Variants in MCC observed in about 807,000 individuals in gnomAD.
MCC encodes the protein MCC regulator of Wnt signaling pathway, also known as colorectal mutant cancer protein.
A neutral mutation model predicts 116.2 loss-of-function variants in MCC; 90 were observed. That is an observed-to-expected ratio of 0.77 (90% CI 0.65 to 0.92). The LOEUF is 0.92. MCC is among the 40% of genes least tolerant of loss of function. The pLI, the probability that MCC is intolerant of heterozygous loss-of-function variation, is 0.00. For synonymous variants in MCC, 578 were observed against 510.5 expected (o/e 1.13, Z -1.78); for missense variants, 1,516 against 1,312.2 (o/e 1.16, Z -2.40).
At chr5:113,445,272 G>A (rs1239357195) in intron 1 of MCC, among the ~76,000 whole-genome samples, 3 of 152,032 alleles carry the variant, frequency 2.0e-5, no homozygotes, top group African/African-American at 7.2e-5. Flanking sequence ...TAAGTAAAAG[G>A]AATCCAGATA....
chr5:113,202,784 A>AC (rs1209492457), intron 3 of MCC, among the ~76,000 whole-genome samples: 1 of 34,190 alleles, frequency 2.9e-5, no homozygotes, highest in Non-Finnish European at 9.8e-5. Flanking sequence ...TTTGCCCTTT[A>AC]TTTAAAAAAA....
At chr5:113,362,601 G>A (rs1349560999) in intron 2 of MCC, among the ~76,000 whole-genome samples, 3 of 151,668 alleles carry the variant, frequency 2.0e-5, no homozygotes, top group African/African-American at 2.4e-5. Context: ...ATTGTGGATT[G>A]GTGTATTTTT....
chr5:113,274,167 T>C (rs1186874903), intron 3 of MCC, among the ~76,000 whole-genome samples: 1 of 152,232 alleles, frequency 6.6e-6, no homozygotes, highest in East Asian at 1.9e-4. Context: ...CTTCCTGTGA[T>C]AGCTTCAATG....
intron 6 of MCC, among the ~76,000 whole-genome samples, chr5:113,108,032 C>T (rs1581076698): frequency 6.6e-6 from 1 of 152,216 alleles, no homozygotes; most frequent in East Asian, 1.9e-4. Context: ...TCTCTGCTGC[C>T]CACCACTACT....
At chr5:113,465,102 T>C (rs999440862) in intron 1 of MCC, among the ~76,000 whole-genome samples, 3 of 151,994 alleles carry the variant, frequency 2.0e-5, no homozygotes, top group African/African-American at 7.2e-5. Context: ...AAGATTTTTT[T>C]TTTTGTGGGG....
chr5:113,354,125 C>G (rs1028284888), intron 2 of MCC, among the ~76,000 whole-genome samples: 6 of 152,160 alleles, frequency 3.9e-5, no homozygotes, highest in African/African-American at 1.4e-4. Context: ...CAAGGGTCAG[C>G]AAGGCCTCTG....
intron 8 of MCC, among the ~76,000 whole-genome samples, chr5:113,098,966 G>A (rs911726746): frequency 5.9e-5 from 9 of 152,138 alleles, no homozygotes; most frequent in Non-Finnish European, 7.4e-5. Flanking sequence ...GCTACACATC[G>A]TCAAGAACAG....
intron 3 of MCC, among the ~76,000 whole-genome samples, chr5:113,178,580 C>T (rs1761455605): frequency 6.6e-6 from 1 of 152,158 alleles, no homozygotes; most frequent in East Asian, 1.9e-4. Context: ...AAGTCTGGCC[C>T]TTGCAGAGAT....
intron 1 of MCC, among the ~76,000 whole-genome samples, chr5:113,485,162 G>C (rs1193127933): frequency 6.6e-6 from 1 of 152,098 alleles, no homozygotes; most frequent in Non-Finnish European, 1.5e-5. Flanking sequence ...AAAGCACAAA[G>C]CACCACCCCT....
intron 2 of MCC, among the ~76,000 whole-genome samples, chr5:113,377,670 A>T (rs1274219367): frequency 6.6e-6 from 1 of 152,220 alleles, no homozygotes; most frequent in African/African-American, 2.4e-5. Flanking sequence ...AAGGACAGGA[A>T]GGACAATGAT....
chr5:113,066,050 A>G (rs1419876744), intron 13 of MCC, among the ~76,000 whole-genome samples: 1 of 152,258 alleles, frequency 6.6e-6, no homozygotes, highest in Non-Finnish European at 1.5e-5. Flanking sequence ...GCTATTTGGA[A>G]TTAGGCATGA....
At chr5:113,076,039 G>A (rs535697337) in intron 11 of MCC, among the ~76,000 whole-genome samples, 1 of 152,144 alleles carries the variant, frequency 6.6e-6, no homozygotes, top group African/African-American at 2.4e-5. Context: ...CTGAACATCA[G>A]AAGGAACAAA....
At chr5:113,254,565 C>T (rs994695356) in intron 3 of MCC, among the ~76,000 whole-genome samples, 4 of 152,176 alleles carry the variant, frequency 2.6e-5, no homozygotes, top group Admixed American at 2.0e-4. Context: ...AAGAACATCA[C>T]AGCCCATACG....
chr5:113,062,466 A>G (rs997437931), intron 14 of MCC, among the ~76,000 whole-genome samples: 1 of 152,258 alleles, frequency 6.6e-6, no homozygotes, highest in Admixed American at 6.5e-5. Flanking sequence ...AATGATCCGT[A>G]GCACAAACCT....
chr5:113,164,886 G>A (rs1044828421), intron 3 of MCC, among the ~76,000 whole-genome samples: 1 of 152,194 alleles, frequency 6.6e-6, no homozygotes, highest in African/African-American at 2.4e-5. Context: ...GTTTCAGTGG[G>A]ATCCCCATGC....
rs1017439455 is a variant in MCC at position 113,082,949 on chromosome 5, T to A, written c.1695A>T (p.Gln565His). 12 of 1,614,076 alleles carry A rather than the reference T, an allele frequency of 7.4e-6. No individual in the cohort carries two copies. Among genetic ancestry groups the A allele is most frequent in the Non-Finnish European group, 8.5e-6 (10 of 1,180,028 alleles). Residue 565 changes from glutamine to histidine, a missense_variant, in exon 11 of 19, where the codon CAA becomes CAT. Transcript: ENST00000408903. Reference protein sequence around the residue: ...AHSLQDCSNIQEIFQTLYSHG... With the variant: ...AHSLQDCSNIHEIFQTLYSHG... Reference sequence around the variant, plus strand: ...GTGAGTAGAGTGTTTGGAAAATCTCTTGGATATTGGAGCAGTCCTGAAGTG... The same window carrying A: ...GTGAGTAGAGTGTTTGGAAAATCTCATGGATATTGGAGCAGTCCTGAAGTG...
At chr5:113,392,633 G>T (rs935323839) in intron 1 of MCC, among the ~76,000 whole-genome samples, 3 of 152,078 alleles carry the variant, frequency 2.0e-5, no homozygotes, top group African/African-American at 4.8e-5. Flanking sequence ...TAACAGCAAA[G>T]AATTGAGAAG....
chr5:113,132,083 C>T (rs191984954), intron 5 of MCC, among the ~76,000 whole-genome samples: 6 of 142,554 alleles, frequency 4.2e-5, no homozygotes, highest in East Asian at 2.0e-4. Flanking sequence ...GGGATATAAG[C>T]GTTTTTTTAA....
intron 3 of MCC, among the ~76,000 whole-genome samples, chr5:113,202,439 T>A (rs1048956777): frequency 1.3e-5 from 2 of 152,116 alleles, no homozygotes; most frequent in Non-Finnish European, 1.5e-5. Flanking sequence ...CTTTGAAAGA[T>A]TTTCTCCAGT....
Sources: gnomAD v4.1 joint callset for allele counts (sites outside exome capture counted in the v4.1 genomes callset) on GRCh38, gnomAD v4.1.1 for gene constraint, MANE v1.5 for transcripts, NCBI Gene and HGNC (gene_info 2026-07-23, HGNC 2026-07-21) for gene names.